Variants in NR3C2 observed in about 807,000 individuals in gnomAD.
The protein encoded by NR3C2 is mineralocorticoid receptor.
In NR3C2, 15 loss-of-function variants were observed where a neutral mutation model predicts 86.4. The observed-to-expected ratio is 0.17, with a 90% CI of 0.12 to 0.27. The LOEUF (loss-of-function observed/expected upper bound fraction) is 0.27. Among genes scored for constraint, NR3C2 ranks in the 10% least tolerant of loss-of-function variants. The pLI is 1.00. For synonymous variants in NR3C2, 458 were observed against 450.5 expected, an observed-to-expected ratio of 1.02 and a Z score of -0.21; for missense variants, 960 against 1,195.6, an observed-to-expected ratio of 0.80 and a Z score of 2.91.
intron 2 of NR3C2, among the ~76,000 whole-genome samples, chr4:148,406,080 T>G (rs1290279274): frequency 6.6e-6 from 1 of 152,244 alleles, no homozygotes; most frequent in Admixed American, 6.5e-5. Flanking sequence ...GCAGGAGGAC[T>G]GCTTGAGCCC....
intron 2 of NR3C2, among the ~76,000 whole-genome samples, chr4:148,324,228 T>G (rs186528266): frequency 1.8e-4 from 27 of 152,312 alleles, no homozygotes; most frequent in African/African-American, 6.0e-4. Flanking sequence ...GTATTTGTCT[T>G]TCTGTGTCTG....
At chr4:148,222,390 G>T (rs899053101) in intron 3 of NR3C2, among the ~76,000 whole-genome samples, 1 of 152,058 alleles carries the variant, frequency 6.6e-6, no homozygotes, top group Non-Finnish European at 1.5e-5. Flanking sequence ...TTCAAAGCCC[G>T]CATTAGCCAA....
chr4:148,165,273 AC>A (rs1734828329), intron 4 of NR3C2, among the ~76,000 whole-genome samples: 1 of 152,148 alleles, frequency 6.6e-6, no homozygotes, highest in African/African-American at 2.4e-5. Flanking sequence ...CCTTGATTAT[AC>A]CCAGTGACTT....
intron 4 of NR3C2, among the ~76,000 whole-genome samples, chr4:148,171,504 G>C (rs1016263970): frequency 6.6e-6 from 1 of 152,200 alleles, no homozygotes; most frequent in African/African-American, 2.4e-5. Context: ...GTTTTGGGAT[G>C]AAACTGTTCC....
intron 3 of NR3C2, among the ~76,000 whole-genome samples, chr4:148,220,343 C>A (rs1737773040): frequency 6.6e-6 from 1 of 152,132 alleles, no homozygotes; most frequent in Non-Finnish European, 1.5e-5. Flanking sequence ...CCACCTCAGC[C>A]TTCCAAAGTA....
chr4:148,130,819 G>GT lies in NR3C2; in HGVS notation c.2511-10532dup, dbSNP rs376180676. On this transcript the variant is annotated intron_variant, in intron 6 of 8. Transcript: ENST00000358102. ...TTTTTGTTTTGTTTTGTTTTGTTTT[G>GT]TTTTTTTTTTTTTTTTTTTTTTGAG... Among the ~76,000 whole-genome samples the GT allele has an allele frequency of 6.3e-4, 69 of 108,904 alleles. No homozygotes were observed. The East Asian group carries it at 8.5e-3, about 13-fold the overall frequency. The allele number at this position is 108,904 out of a possible 152,430, so 71.4% of individuals were successfully genotyped here.
intron 2 of NR3C2, among the ~76,000 whole-genome samples, chr4:148,415,860 G>A (rs1487327081): frequency 6.6e-6 from 1 of 151,978 alleles, no homozygotes; most frequent in Non-Finnish European, 1.5e-5. Flanking sequence ...AGAAAATTTG[G>A]TAAATACAAA....
At chr4:148,140,553 T>C (rs982668964) in intron 6 of NR3C2, among the ~76,000 whole-genome samples, 55 of 151,650 alleles carry the variant, frequency 3.6e-4, no homozygotes, top group African/African-American at 1.3e-3. Flanking sequence ...AAGAAAGAAA[T>C]TTGCTCCAGG....
At chr4:148,082,942 G>A (rs546632967) in intron 8 of NR3C2, among the ~76,000 whole-genome samples, 6 of 152,104 alleles carry the variant, frequency 3.9e-5, no homozygotes, top group African/African-American at 1.4e-4. Context: ...TGCCCTCCCA[G>A]TGTAAACAGA....
intron 4 of NR3C2, among the ~76,000 whole-genome samples, chr4:148,180,236 G>A (rs537574703): frequency 6.6e-6 from 1 of 151,844 alleles, no homozygotes; most frequent in South Asian, 2.1e-4. Context: ...TTGCTGGCAG[G>A]TAAAGCCAAT....
intron 8 of NR3C2, 111 bp downstream of exon 8, chr4:148,113,993 C>T (rs1732159894): frequency 1.5e-5 from 19 of 1,285,926 alleles, no homozygotes; most frequent in Non-Finnish European, 1.1e-6. Context: ...ATGGAGTCAA[C>T]AGAGGTCTAG....
intron 2 of NR3C2, among the ~76,000 whole-genome samples, chr4:148,329,143 G>C (rs1421135302): frequency 6.6e-6 from 1 of 152,114 alleles, no homozygotes; most frequent in African/African-American, 2.4e-5. Context: ...AGGGCACATA[G>C]GGGCCCTGGT....
At chr4:148,085,141 C>G (rs972510608) in intron 8 of NR3C2, among the ~76,000 whole-genome samples, 2 of 152,240 alleles carry the variant, frequency 1.3e-5, no homozygotes, top group African/African-American at 4.8e-5. Context: ...AGCTCTGGAC[C>G]AAGCAGACCT....
At chr4:148,423,866 G>T (rs890452310) in intron 2 of NR3C2, among the ~76,000 whole-genome samples, 2 of 152,038 alleles carry the variant, frequency 1.3e-5, no homozygotes, top group Non-Finnish European at 2.9e-5. Flanking sequence ...ACGCCACTAC[G>T]CCTGGCTAAT....
At chr4:148,183,828 A>C (rs1425510933) in intron 4 of NR3C2, among the ~76,000 whole-genome samples, 1 of 152,222 alleles carries the variant, frequency 6.6e-6, no homozygotes, top group Non-Finnish European at 1.5e-5. Flanking sequence ...AATAAAAAAC[A>C]ATTCCTCCTC....
chr4:148,370,097 T>C (rs912777965), intron 2 of NR3C2, among the ~76,000 whole-genome samples: 2 of 152,088 alleles, frequency 1.3e-5, no homozygotes, highest in Admixed American at 6.6e-5. Flanking sequence ...AGTTGTCCCA[T>C]AGGGATAGAT....
At chr4:148,197,891 C>A (rs1338697322) in intron 3 of NR3C2, among the ~76,000 whole-genome samples, 1 of 152,080 alleles carries the variant, frequency 6.6e-6, no homozygotes, top group East Asian at 1.9e-4. Context: ...AACACACAAC[C>A]AAAATCTGTC....
At chr4:148,149,794 A>G (rs1317047719) in intron 6 of NR3C2, among the ~76,000 whole-genome samples, 2 of 152,274 alleles carry the variant, frequency 1.3e-5, no homozygotes, top group African/African-American at 2.4e-5. Context: ...GCTCATAAGC[A>G]TATGAAAACA....
intron 8 of NR3C2, among the ~76,000 whole-genome samples, chr4:148,089,241 A>G (rs772614333): frequency 6.6e-6 from 1 of 152,134 alleles, no homozygotes; most frequent in Non-Finnish European, 1.5e-5. Context: ...GCAGAGTGGT[A>G]TTTTCCTAAT....
Sources: allele counts gnomAD v4.1 joint callset (sites outside exome capture counted in the v4.1 genomes callset), GRCh38; gene constraint gnomAD v4.1.1; transcripts MANE v1.5; gene names NCBI Gene and HGNC (gene_info 2026-07-23, HGNC 2026-07-21).